Variants in SLC4A10 observed in about 807,000 individuals in gnomAD.
The protein encoded by SLC4A10 is sodium-driven chloride bicarbonate exchanger.
SLC4A10 carries 42 observed loss-of-function variants against 137.7 expected under a neutral mutation model. The observed-to-expected ratio is 0.30, with a 90% CI of 0.24 to 0.39. The LOEUF (loss-of-function observed/expected upper bound fraction) is 0.39, where lower values mean the gene tolerates loss of function less well. Among genes scored for constraint, SLC4A10 ranks in the 10% least tolerant of loss-of-function variants. The pLI is 1.00. For synonymous variants in SLC4A10, 474 were observed against 464.1 expected, an observed-to-expected ratio of 1.02 and a Z score of -0.27; for missense variants, 925 against 1,355.0, an observed-to-expected ratio of 0.68 and a Z score of 4.98.
In SLC4A10 at chr2:161,664,775, A is replaced by G. The variant is rs73020051; in HGVS notation, c.48+40209A>G. 6.7e-3 allele frequency among the ~76,000 whole-genome samples: 1,011 copies of G among 150,896 alleles called. 11 individuals are homozygous for G. The highest frequency in any genetic ancestry group is 0.023 in the African/African-American group (964 of 41,202). ...ACATTAGAGAATTATATAGTACCATATTTGCTTTTATGGGCAAAGCTATCT... is the reference window on the plus strand; with the variant it reads ...ACATTAGAGAATTATATAGTACCATGTTTGCTTTTATGGGCAAAGCTATCT... On this transcript the variant is annotated intron_variant, in intron 1 of 26. Transcript: ENST00000446997.
intron 1 of SLC4A10, among the ~76,000 whole-genome samples, chr2:161,683,903 T>C (rs2041125507): frequency 6.6e-6 from 1 of 152,194 alleles, no homozygotes; most frequent in African/African-American, 2.4e-5. Context: ...AGATTTACCA[T>C]TATAAACATT....
At chr2:161,806,074 A>G (rs545391360) in intron 3 of SLC4A10, among the ~76,000 whole-genome samples, 48 of 152,286 alleles carry the variant, frequency 3.2e-4, no homozygotes, top group Admixed American at 5.9e-4. Flanking sequence ...CTGCAGGCTC[A>G]ACACCACATG....
intron 1 of SLC4A10, among the ~76,000 whole-genome samples, chr2:161,735,155 A>G (rs867545892): frequency 6.7e-6 from 1 of 148,530 alleles, no homozygotes; most frequent in African/African-American, 2.4e-5. Flanking sequence ...TTATACATAT[A>G]TATAATATAC....
At chr2:161,890,585 T>C (rs1228433380) in intron 10 of SLC4A10, among the ~76,000 whole-genome samples, 2 of 152,226 alleles carry the variant, frequency 1.3e-5, no homozygotes, top group Admixed American at 1.3e-4. Flanking sequence ...GTTTAAAGCC[T>C]GTTTTATTGG....
intron 15 of SLC4A10, among the ~76,000 whole-genome samples, chr2:161,918,860 G>A (rs1351937859): frequency 1.3e-5 from 2 of 152,206 alleles, no homozygotes; most frequent in African/African-American, 4.8e-5. Context: ...CAGGACCCAG[G>A]AAAAGGTGGA....
intron 26 of SLC4A10, among the ~76,000 whole-genome samples, chr2:161,980,821 A>T (rs970731624): frequency 6.6e-6 from 1 of 152,236 alleles, no homozygotes; most frequent in African/African-American, 2.4e-5. Context: ...CTCCTAGGTC[A>T]TTATGGAGTT....
intron 1 of SLC4A10, among the ~76,000 whole-genome samples, chr2:161,765,488 G>A (rs1178234692): frequency 6.6e-6 from 1 of 151,562 alleles, no homozygotes; most frequent in Non-Finnish European, 1.5e-5. Flanking sequence ...ATGCCTCTAA[G>A]CCCAGTTACT....
intron 1 of SLC4A10, among the ~76,000 whole-genome samples, chr2:161,724,553 A>G (rs2046027232): frequency 1.3e-5 from 2 of 152,178 alleles, no homozygotes; most frequent in African/African-American, 4.8e-5. Context: ...TGCTATGGGA[A>G]TCTGAAACAG....
At chr2:161,726,413 G>A (rs566634161) in intron 1 of SLC4A10, among the ~76,000 whole-genome samples, 19 of 152,164 alleles carry the variant, frequency 1.2e-4, no homozygotes, top group Non-Finnish European at 1.6e-4. Context: ...TTTCTAAACC[G>A]CTCCTCTCCC....
At chr2:161,731,593 T>C (rs1184113767) in intron 1 of SLC4A10, among the ~76,000 whole-genome samples, 2 of 152,110 alleles carry the variant, frequency 1.3e-5, no homozygotes, top group African/African-American at 4.8e-5. Flanking sequence ...TAATAGATGC[T>C]TACAGCTTTA....
chr2:161,746,759 T>C (rs2048426548), intron 1 of SLC4A10, among the ~76,000 whole-genome samples: 1 of 152,114 alleles, frequency 6.6e-6, no homozygotes, highest in Non-Finnish European at 1.5e-5. Context: ...TGGCTTCTGC[T>C]GTTGTTTATT....
At chr2:161,646,106 G>A (rs1204014090) in intron 1 of SLC4A10, among the ~76,000 whole-genome samples, 3 of 152,014 alleles carry the variant, frequency 2.0e-5, no homozygotes, top group African/African-American at 4.8e-5. Context: ...TCAGCTTCTA[G>A]TGCTAATAGC....
At chr2:161,943,423 A>G (rs1408697255) in intron 16 of SLC4A10, among the ~76,000 whole-genome samples, 1 of 152,078 alleles carries the variant, frequency 6.6e-6, no homozygotes, top group Non-Finnish European at 1.5e-5. Flanking sequence ...CTCCCACTCA[A>G]GAAAGAGCAT....
In SLC4A10 at chr2:161,850,290, G is replaced by A. The variant is rs540638933; in HGVS notation, c.417-4680G>A. ...ACCTGTAGTCCCAGCTACTTGTGAT[G>A]TGAGGCAGGAGAATCACTTGAGTGC... On this transcript the variant is annotated intron_variant, in intron 4 of 26. Transcript: ENST00000446997. Among the ~76,000 whole-genome samples the A allele has an allele frequency of 4.2e-4, 64 of 152,236 alleles. 3 individuals are homozygous for A. In the South Asian group the frequency reaches 0.012, roughly 30 times the overall value.
chr2:161,843,147 G>A (rs1294653117), intron 4 of SLC4A10, among the ~76,000 whole-genome samples: 2 of 152,102 alleles, frequency 1.3e-5, no homozygotes, highest in Non-Finnish European at 2.9e-5. Flanking sequence ...AGTGATTGGT[G>A]ATTTTTCATC....
At chr2:161,750,140 T>C (rs1057344538) in intron 1 of SLC4A10, among the ~76,000 whole-genome samples, 1 of 151,800 alleles carries the variant, frequency 6.6e-6, no homozygotes, top group African/African-American at 2.4e-5. Context: ...CTTCTCTCTT[T>C]TTTTCTTAGT....
chr2:161,644,572 A>G (rs967709237), intron 1 of SLC4A10, among the ~76,000 whole-genome samples: 1 of 152,232 alleles, frequency 6.6e-6, no homozygotes. Context: ...TTCTGTTTTT[A>G]GATTGACTCT....
chr2:161,922,373 A>G (rs1230564136), intron 15 of SLC4A10, among the ~76,000 whole-genome samples: 1 of 152,180 alleles, frequency 6.6e-6, no homozygotes, highest in Non-Finnish European at 1.5e-5. Flanking sequence ...TATAAGTACT[A>G]AGCAAACCTC....
At chr2:161,889,378 T>C (rs1377427610) in intron 10 of SLC4A10, among the ~76,000 whole-genome samples, 1 of 152,208 alleles carries the variant, frequency 6.6e-6, no homozygotes, top group African/African-American at 2.4e-5. Flanking sequence ...TCTTTGTACC[T>C]CTGGTAGAAT....
Sources: gnomAD v4.1 joint callset for allele counts (sites outside exome capture counted in the v4.1 genomes callset) on GRCh38, gnomAD v4.1.1 for gene constraint, MANE v1.5 for transcripts, NCBI Gene and HGNC (gene_info 2026-07-23, HGNC 2026-07-21) for gene names.